EPB41L2: variants seen among roughly 807,000 people sequenced by gnomAD.
EPB41L2 encodes band 4.1-like protein 2.
EPB41L2 carries 43 observed loss-of-function variants against 113.0 expected under a neutral mutation model. The ratio of observed to expected loss-of-function variants is 0.38; its 90% CI spans 0.30 to 0.49. EPB41L2 has a LOEUF of 0.49. EPB41L2 is among the 20% of genes least tolerant of loss of function. EPB41L2 has a pLI of 0.95. For missense variants in EPB41L2, 1,147 were observed against 1,223.4 expected, an observed-to-expected ratio of 0.94 and a Z score of 0.93; for synonymous variants, 442 against 436.7, an observed-to-expected ratio of 1.01 and a Z score of -0.15.
chr6:131,054,044 G>A (rs1797144635), intron 1 of EPB41L2, among the ~76,000 whole-genome samples: 1 of 152,140 alleles, frequency 6.6e-6, no homozygotes, highest in African/African-American at 2.4e-5. Flanking sequence ...CATGTCATGA[G>A]GGTTGATGTC....
At chr6:130,962,631 T>C (rs1182324962) in intron 1 of EPB41L2, among the ~76,000 whole-genome samples, 1 of 152,238 alleles carries the variant, frequency 6.6e-6, no homozygotes, top group African/African-American at 2.4e-5. Context: ...ACTATAAAGA[T>C]GTAAACTAAT....
chr6:130,902,416 T>C (rs1286967037), intron 6 of EPB41L2, among the ~76,000 whole-genome samples: 1 of 152,182 alleles, frequency 6.6e-6, no homozygotes, highest in Non-Finnish European at 1.5e-5. Flanking sequence ...CTGTTTATCA[T>C]CACTATAGTC....
At chr6:131,050,421 C>A (rs927846963) in intron 1 of EPB41L2, among the ~76,000 whole-genome samples, 1 of 152,180 alleles carries the variant, frequency 6.6e-6, no homozygotes, top group African/African-American at 2.4e-5. Context: ...CCTGCAACAT[C>A]TTCTATATTA....
Position 131,010,614 on chromosome 6 carries a change from T to C in EPB41L2, c.-15+52541A>G, listed in dbSNP as rs146174504. Among the ~76,000 whole-genome samples the C allele has an allele frequency of 6.7e-4, 102 of 152,158 alleles. 3 individuals carry two copies. The East Asian group carries it at 0.018, about 27-fold the overall frequency. Reference sequence around the variant, plus strand: ...TTTTAGTAGAGACGGGGTTTCACCATGTTGGCCAGGCTGGTCTCGAACTCC... The same window carrying C: ...TTTTAGTAGAGACGGGGTTTCACCACGTTGGCCAGGCTGGTCTCGAACTCC... On this transcript the variant is annotated intron_variant, in intron 1 of 19. Transcript: ENST00000337057.
intron 4 of EPB41L2, among the ~76,000 whole-genome samples, chr6:130,925,298 C>T (rs1460879527): frequency 6.7e-6 from 1 of 148,990 alleles, no homozygotes; most frequent in African/African-American, 2.5e-5. Flanking sequence ...AAGTGATTCT[C>T]CTGCCTCAGC....
intron 1 of EPB41L2, among the ~76,000 whole-genome samples, chr6:130,975,889 G>A (rs1441248240): frequency 7.2e-5 from 11 of 152,044 alleles, no homozygotes; most frequent in East Asian, 1.9e-4. Context: ...TTAGCTGGGC[G>A]CGGTGGCATG....
chr6:130,956,002 C>G lies in EPB41L2; in HGVS notation c.484G>C (p.Glu162Gln). ...ATTATTCCCAAACATACCTGCATCT[C>G]CACTTTGCTCACTGAGGGTTTTTCT... ...KEEKPSVSKV[E>Q]MQPTELVSKE... Residue 162 changes from glutamate to glutamine, a missense_variant, in exon 2 of 20, where the codon GAG (glutamate) becomes CAG (glutamine). Coordinates refer to ENST00000337057, the MANE Select transcript of EPB41L2 (RefSeq NM_001431.4). 1 of 1,610,624 alleles carries G rather than the reference C, an allele frequency of 6.2e-7. No homozygotes were observed. Among genetic ancestry groups the G allele is most frequent in the Non-Finnish European group, 8.5e-7 (1 of 1,179,092 alleles).
chr6:130,856,888 AT>A (rs1194417820), intron 19 of EPB41L2, among the ~76,000 whole-genome samples: 8 of 149,760 alleles, frequency 5.3e-5, no homozygotes, highest in Non-Finnish European at 1.0e-4. Flanking sequence ...GATTATTTCA[AT>A]TTTTTTTTTG....
intron 10 of EPB41L2, among the ~76,000 whole-genome samples, chr6:130,892,781 C>A (rs1793405923): frequency 6.6e-6 from 1 of 152,086 alleles, no homozygotes; most frequent in Middle Eastern, 3.4e-3. Context: ...TTATGATATG[C>A]CAGAAATGGT....
At chr6:130,947,750 C>G (rs188107632) in intron 3 of EPB41L2, among the ~76,000 whole-genome samples, 84 of 152,230 alleles carry the variant, frequency 5.5e-4, no homozygotes, top group Admixed American at 1.0e-3. Flanking sequence ...GAGGAGGAAA[C>G]AAGAACAGGT....
intron 4 of EPB41L2, among the ~76,000 whole-genome samples, chr6:130,915,606 TAATA>T (rs1490625614): frequency 1.3e-5 from 2 of 152,188 alleles, no homozygotes; most frequent in Admixed American, 1.3e-4. Flanking sequence ...TACTGATGAT[TAATA>T]TATAAATAAA....
intron 1 of EPB41L2, among the ~76,000 whole-genome samples, chr6:131,046,369 TCACA>T (rs1795461611): frequency 6.6e-6 from 1 of 152,174 alleles, no homozygotes; most frequent in African/African-American, 2.4e-5. Context: ...TTGACCACCG[TCACA>T]CTTAACTAAT....
chr6:130,954,598 T>G (rs1204734882), intron 3 of EPB41L2, among the ~76,000 whole-genome samples: 1 of 152,202 alleles, frequency 6.6e-6, no homozygotes, highest in Non-Finnish European at 1.5e-5. Flanking sequence ...GACATAAAAT[T>G]ATAAGGTACT....
At chr6:130,959,904 A>T (rs1460065507) in intron 1 of EPB41L2, among the ~76,000 whole-genome samples, 1 of 152,214 alleles carries the variant, frequency 6.6e-6, no homozygotes, top group Non-Finnish European at 1.5e-5. Flanking sequence ...CTGGGAACCA[A>T]TCAACTAAGG....
chr6:130,891,431 ACTTACTTAC>A (rs1359405038), intron 10 of EPB41L2, among the ~76,000 whole-genome samples: 2 of 53,382 alleles, frequency 3.7e-5, no homozygotes, highest in East Asian at 1.5e-3. Flanking sequence ...TTATTTATTT[ACTTACTTAC>A]TTACTTACTT....
chr6:130,897,339 A>T (rs950722210), intron 8 of EPB41L2, among the ~76,000 whole-genome samples: 2 of 152,220 alleles, frequency 1.3e-5, no homozygotes, highest in African/African-American at 4.8e-5. Flanking sequence ...ATAAGCCACA[A>T]ATATCTTGCT....
chr6:130,841,636 A>C (rs1255764573), intron 19 of EPB41L2, among the ~76,000 whole-genome samples: 1 of 152,166 alleles, frequency 6.6e-6, no homozygotes, highest in Non-Finnish European at 1.5e-5. Flanking sequence ...TGGGAGAGAA[A>C]TTTGAGAGGC....
rs74484724 is a variant in EPB41L2, at chr6:131,047,639, C to G, written c.-15+15516G>C. Among the ~76,000 whole-genome samples, 149 of 152,282 alleles carry G rather than the reference C, an allele frequency of 9.8e-4. 1 individual carries two copies. The highest frequency in any genetic ancestry group is 3.5e-3 in the African/African-American group (144 of 41,558). On this transcript the variant is annotated intron_variant, in intron 1 of 19. Transcript: ENST00000337057. ...AACGATTTCTAAATTAGTGTATCAT[C>G]AATGTTTAAGGCATGTACCTTCCCC...
At chr6:130,971,812 A>G (rs1776858525) in intron 1 of EPB41L2, among the ~76,000 whole-genome samples, 1 of 152,248 alleles carries the variant, frequency 6.6e-6, no homozygotes, top group East Asian at 1.9e-4. Flanking sequence ...ATAAATTACT[A>G]TAGACAAACT....
Sources: allele counts gnomAD v4.1 joint callset (sites outside exome capture counted in the v4.1 genomes callset), GRCh38; gene constraint gnomAD v4.1.1; transcripts MANE v1.5; gene names NCBI Gene and HGNC (gene_info 2026-07-23, HGNC 2026-07-21).